CCDC141: variants seen among roughly 807,000 people sequenced by gnomAD.
CCDC141 encodes coiled-coil domain containing 141, also known as coiled-coil domain-containing protein 141.
A neutral mutation model predicts 181.0 loss-of-function variants in CCDC141; 168 were observed. The observed-to-expected ratio is 0.93, with a 90% CI of 0.82 to 1.05. The LOEUF (loss-of-function observed/expected upper bound fraction) is 1.05. Among genes scored for constraint, CCDC141 ranks in the 50% least tolerant of loss-of-function variants. The probability of loss-of-function intolerance (pLI) is 0.00; values close to 1 mark genes in which losing one functional copy is unlikely to be tolerated. For synonymous variants in CCDC141, 666 were observed against 642.3 expected (o/e 1.04, Z -0.56); for missense variants, 1,902 against 1,788.5 (o/e 1.06, Z -1.14).
At chr2:179,002,249 T>C (rs1203241781) in intron 2 of CCDC141, 2 of 241,452 alleles carry the variant, frequency 8.3e-6, no homozygotes, top group African/African-American at 2.3e-5. Context: ...TGAAGCAGGA[T>C]GTCTTGGCCC....
intron 6 of CCDC141, among the ~76,000 whole-genome samples, chr2:178,933,098 C>T (rs1273471333): frequency 2.0e-5 from 3 of 152,038 alleles, no homozygotes; most frequent in Admixed American, 6.6e-5. Flanking sequence ...CTTGGAAAAT[C>T]GGATTAGATG....
In CCDC141 at chr2:178,852,802, C is replaced by T. The variant is rs75775156; in HGVS notation, c.3244+639G>A. On this transcript the variant is annotated intron_variant, in intron 20 of 23. Coordinates refer to ENST00000443758, the MANE Select transcript of CCDC141 (RefSeq NM_173648.4). Reference sequence around the variant, plus strand: ...CCTCAGAACCCTCAAGAACTATCATCCTCCATGGACTTCTTAAATGGGGGG... The same window carrying T: ...CCTCAGAACCCTCAAGAACTATCATTCTCCATGGACTTCTTAAATGGGGGG... 8.7e-4 allele frequency among the ~76,000 whole-genome samples: 132 copies of T among 152,166 alleles called. 1 individual carries two copies. In the East Asian group the frequency reaches 0.023, roughly 26 times the overall value.
At chr2:179,036,522 C>T (rs2154387445) in intron 2 of CCDC141, among the ~76,000 whole-genome samples, 1 of 152,300 alleles carries the variant, frequency 6.6e-6, no homozygotes, top group South Asian at 2.1e-4. Flanking sequence ...CTTCTAGTCA[C>T]TGGAAATGAA....
chr2:178,932,448 T>C (rs960038938), intron 6 of CCDC141, among the ~76,000 whole-genome samples: 8 of 152,192 alleles, frequency 5.3e-5, no homozygotes, highest in South Asian at 2.1e-4. Context: ...AGATGCTATA[T>C]GTTGCCACTT....
At chr2:179,036,364 C>T (rs747572260) in intron 2 of CCDC141, among the ~76,000 whole-genome samples, 1 of 152,204 alleles carries the variant, frequency 6.6e-6, no homozygotes, top group African/African-American at 2.4e-5. Context: ...GTTGAAGAAG[C>T]CTATTTTAAT....
intron 4 of CCDC141, among the ~76,000 whole-genome samples, chr2:178,962,325 G>T (rs532043782): frequency 6.6e-4 from 100 of 152,300 alleles, no homozygotes; most frequent in Non-Finnish European, 1.1e-3. Flanking sequence ...AGGAGCAGTT[G>T]GGGAACTGTC....
At chr2:178,958,370 G>T (rs1290995327) in intron 5 of CCDC141, among the ~76,000 whole-genome samples, 1 of 151,962 alleles carries the variant, frequency 6.6e-6, no homozygotes, top group African/African-American at 2.4e-5. Flanking sequence ...TCTGAGGGGG[G>T]ATGCTGATAA....
intron 19 of CCDC141, among the ~76,000 whole-genome samples, chr2:178,854,743 G>C (rs1036178693): frequency 2.6e-5 from 4 of 152,072 alleles, no homozygotes; most frequent in Non-Finnish European, 5.9e-5. Context: ...CTGCATTAGT[G>C]GTAAAGACGT....
intron 2 of CCDC141, among the ~76,000 whole-genome samples, chr2:179,031,356 T>G (rs1317173829): frequency 1.3e-5 from 2 of 152,074 alleles, no homozygotes; most frequent in Non-Finnish European, 2.9e-5. Flanking sequence ...ATACCCATCT[T>G]TTACGCCTAA....
chr2:178,946,027 G>C (rs572024277), intron 5 of CCDC141, among the ~76,000 whole-genome samples: 6 of 152,282 alleles, frequency 3.9e-5, no homozygotes, highest in African/African-American at 1.4e-4. Context: ...CATTTCTCCA[G>C]CTTTCTGCTA....
Position 178,877,780 on chromosome 2 carries a change from C to T in CCDC141, c.1899+184G>A, listed in dbSNP as rs13422471. On this transcript the variant is annotated intron_variant, in intron 12 of 23. Transcript: ENST00000443758. ...AACAGCCTTCCTGTTATAAACTAACCAAAGTTCTAGGCCAAGCAAGCATTT... is the reference window on the plus strand; with the variant it reads ...AACAGCCTTCCTGTTATAAACTAACTAAAGTTCTAGGCCAAGCAAGCATTT... The T allele has an allele frequency of 8.8e-3, 5,717 of 651,246 alleles. 242 individuals carry two copies. In the African/African-American group the frequency reaches 0.093, roughly 11 times the overall value. 40.3% of individuals were successfully genotyped at this position (651,246 alleles called of 1,614,324 possible).
chr2:178,860,718 T>A (rs1685575202), intron 17 of CCDC141, among the ~76,000 whole-genome samples: 1 of 151,720 alleles, frequency 6.6e-6, no homozygotes, highest in South Asian at 2.1e-4. Context: ...CCTCCTTCCA[T>A]TTGGCAACCA....
chr2:179,015,453 T>TGCC (rs1431845034), intron 2 of CCDC141, among the ~76,000 whole-genome samples: 3,914 of 126,908 alleles, frequency 0.031, 397 homozygotes, highest in African/African-American at 0.079. Context: ...CTCATATATG[T>TGCC]ACCATATATA....
chr2:179,043,065 A>C (rs2043364230), intron 2 of CCDC141, among the ~76,000 whole-genome samples: 1 of 152,228 alleles, frequency 6.6e-6, no homozygotes, highest in Non-Finnish European at 1.5e-5. Context: ...ACAGAAATAC[A>C]AACAACCATC....
intron 5 of CCDC141, among the ~76,000 whole-genome samples, chr2:178,948,388 G>A (rs985760258): frequency 6.6e-6 from 1 of 152,044 alleles, no homozygotes; most frequent in African/African-American, 2.4e-5. Flanking sequence ...ATTATTATTG[G>A]ATGGTTCTCC....
intron 7 of CCDC141, among the ~76,000 whole-genome samples, chr2:178,908,154 T>C (rs1305658756): frequency 6.6e-6 from 1 of 152,212 alleles, no homozygotes; most frequent in East Asian, 1.9e-4. Flanking sequence ...TTACTTATTT[T>C]GAATAAAGCG....
intron 7 of CCDC141, among the ~76,000 whole-genome samples, chr2:178,912,935 G>T (rs184703854): frequency 6.6e-6 from 1 of 152,126 alleles, no homozygotes; most frequent in Non-Finnish European, 1.5e-5. Flanking sequence ...CACCTCCTCT[G>T]GGGAGCCTTC....
At chr2:179,022,341 G>A (rs1298011785) in intron 2 of CCDC141, among the ~76,000 whole-genome samples, 1 of 152,106 alleles carries the variant, frequency 6.6e-6, no homozygotes, top group Non-Finnish European at 1.5e-5. Flanking sequence ...CATTCCCTAA[G>A]ACTTGATGAA....
chr2:178,866,461 CA>C (rs1189134023), intron 16 of CCDC141, among the ~76,000 whole-genome samples: 2 of 152,092 alleles, frequency 1.3e-5, no homozygotes, highest in African/African-American at 4.8e-5. Flanking sequence ...TCTTTCCTGG[CA>C]AAAAACCAAT....
Sources: allele counts gnomAD v4.1 joint callset (sites outside exome capture counted in the v4.1 genomes callset), GRCh38; gene constraint gnomAD v4.1.1; transcripts MANE v1.5; gene names NCBI Gene and HGNC (gene_info 2026-07-23, HGNC 2026-07-21).